The following TTN variants were observed in gnomAD, a reference collection of about 807,000 sequenced individuals.
TTN encodes connectin.
A neutral mutation model predicts 3,223.0 loss-of-function variants in TTN; 1,525 were observed. That is an observed-to-expected ratio of 0.47 (90% CI 0.45 to 0.49). The LOEUF is 0.49. Among genes scored for constraint, TTN ranks in the 20% least tolerant of loss-of-function variants. The pLI, the probability that TTN is intolerant of heterozygous loss-of-function variation, is 0.00. For synonymous variants in TTN, 14,094 were observed against 15,161.0 expected, an observed-to-expected ratio of 0.93 and a Z score of 5.17; for missense variants, 40,786 against 43,424.0, an observed-to-expected ratio of 0.94 and a Z score of 5.40.
chr2:178,669,432 T>G lies in TTN; in HGVS notation c.35486A>C (p.Lys11829Thr). The stretch of plus-strand genomic sequence containing the variant: ...TGATTTTTCTTCTTGAACACTTTTC[T>G]TAGGCATCCCAGGAACTTTAAAGAT... Reference protein sequence around the residue: ...VPPAKVPGMPKKSVQEEKSPI... With the variant: ...VPPAKVPGMPTKSVQEEKSPI... The change falls in exon 159 of 363, where the codon AAG becomes ACG. Residue 11829 changes from lysine (K) to threonine (T), a missense_variant. Transcript: ENST00000589042. The G allele has an allele frequency of 6.5e-7, 1 of 1,531,618 alleles. No homozygotes were observed. Among genetic ancestry groups the G allele is most frequent in the Non-Finnish European group, 8.7e-7 (1 of 1,151,328 alleles). The allele number at this position is 1,531,618 out of a possible 1,614,324, so 94.9% of individuals were successfully genotyped here.
rs777177954 is a variant in TTN, at chr2:178,731,411, G to A, written c.17355C>T (p.Ala5785=). 1.9e-6 allele frequency: 3 copies of A among 1,613,712 alleles called. No individual in the cohort carries two copies. Reference sequence around the variant, plus strand: ...CTTCAATGCCACTGAGGTACAAACTGGCCACATTGTTCTCAAAGGTCATTC... The same window carrying A: ...CTTCAATGCCACTGAGGTACAAACTAGCCACATTGTTCTCAAAGGTCATTC... ...NIRMTFENNV[A]SLYLSGIEVK... Residue 5785 remains alanine, a synonymous_variant, in exon 59 of 363, where the codon GCC becomes GCT. Transcript: ENST00000589042.
Position 178,776,136 on chromosome 2 carries a change from C to G in TTN, c.5728G>C (p.Val1910Leu), listed in dbSNP as rs765618372. The change falls in exon 28 of 363, where the codon GTG becomes CTG. Residue 1910 changes from valine (V) to leucine (L), a missense_variant. Transcript: ENST00000589042. Reference protein sequence around the residue: ...VDCKSYDTGEVKVTAENPEGV... With the variant: ...VDCKSYDTGELKVTAENPEGV... ...TCAGGATTTTCCGCGGTGACCTTCACTTCACCTGTGTCATATGATTTGCAG... is the reference window on the plus strand; with the variant it reads ...TCAGGATTTTCCGCGGTGACCTTCAGTTCACCTGTGTCATATGATTTGCAG... 6.2e-7 allele frequency: 1 copy of G among 1,614,162 alleles called. No individual in the cohort carries two copies. The highest frequency in any genetic ancestry group is 8.5e-7 in the Non-Finnish European group (1 of 1,179,998).
At chr2:178,800,141 A>G (rs1432063919) in intron 4 of TTN, among the ~76,000 whole-genome samples, 1 of 152,256 alleles carries the variant, frequency 6.6e-6, no homozygotes, top group Non-Finnish European at 1.5e-5. Context: ...TTATTTGCCA[A>G]TAATTTGGAA....
chr2:178,570,869 C>T lies in TTN; in HGVS notation c.75263G>A (p.Gly25088Glu), dbSNP rs1158992381. The T allele has an allele frequency of 6.2e-7, 1 of 1,613,530 alleles. No individual in the cohort carries two copies. Among genetic ancestry groups the T allele is most frequent in the African/African-American group, 1.3e-5 (1 of 74,996 alleles). ...EFRVIARNAA[G>E]VFSEPSESTG... The stretch of plus-strand genomic sequence containing the variant: ...GCTTTCTGAAGGCTCACTAAACACT[C>T]CTGCGGCATTTCGGGCTATAACCCG... The change falls in exon 326 of 363, where the codon GGA (glycine) becomes GAA (glutamate). Residue 25088 changes from glycine to glutamate, a missense_variant. Transcript: ENST00000589042.
rs1379431768 is a variant in TTN at position 178,789,384 on chromosome 2, T to C, written c.2052A>G (p.Glu684=). Residue 684 remains glutamate, a synonymous_variant, in exon 13 of 363, where the codon GAA becomes GAG. Transcript: ENST00000589042. Reference sequence around the variant, plus strand: ...CCTTTCCATGGGTAACTTGGATTTGTTCTTGTCTAGTAGCCATAGTTTCTC... The same window carrying C: ...CCTTTCCATGGGTAACTTGGATTTGCTCTTGTCTAGTAGCCATAGTTTCTC... ...RTRETMATRQ[E]QIQVTHGKVD... is the part of the protein sequence containing the mutation. The C allele has an allele frequency of 6.2e-7, 1 of 1,613,492 alleles. No individual in the cohort carries two copies. Among genetic ancestry groups the C allele is most frequent in the East Asian group, 2.2e-5 (1 of 44,832 alleles).
Position 178,569,008 on chromosome 2 carries a change from A to G in TTN, c.77124T>C (p.Asp25708=). 6.2e-7 allele frequency: 1 copy of G among 1,613,338 alleles called. No homozygotes were observed. The highest frequency in any genetic ancestry group is 8.5e-7 in the Non-Finnish European group (1 of 1,179,534). The stretch of plus-strand genomic sequence containing the variant: ...GAGAGACACTGTTTCTGGTGACATC[A>G]TCCACAGTTATTTTTCCAGGAGGTT... ...VPQPPGKITV[D]DVTRNSVSLS... Residue 25708 remains aspartate (D), a synonymous_variant, in exon 326 of 363, where the codon GAT becomes GAC. Coordinates refer to ENST00000589042, the MANE Select transcript of TTN (RefSeq NM_001267550.2).
At chr2:178,784,787 T>A (rs535618095) in intron 15 of TTN, among the ~76,000 whole-genome samples, 44 of 152,338 alleles carry the variant, frequency 2.9e-4, no homozygotes, top group African/African-American at 1.0e-3. Flanking sequence ...TAGCCACAAA[T>A]CTATGTGAAA....
rs1366813483 is a variant in TTN, at chr2:178,567,787, A to G, written c.78345T>C (p.Asp26115=). The part of the protein sequence containing the change: ...ITLQWTKPVY[D]GGSMITGYIV... ...TGTAGCCTGTAATCATACTTCCACC[A>G]TCATACACAGGTTTGGTCCACTGTA... The change falls in exon 326 of 363, where the codon GAT becomes GAC. Residue 26115 remains aspartate, a synonymous_variant. Coordinates refer to ENST00000589042, the MANE Select transcript of TTN (RefSeq NM_001267550.2). 6.8e-6 allele frequency: 11 copies of G among 1,613,336 alleles called. No homozygotes were observed. Among genetic ancestry groups the G allele is most frequent in the African/African-American group, 1.3e-5 (1 of 74,882 alleles).
chr2:178,630,655 C>T, intron 238 of TTN, 149 bp downstream of exon 238: 1 of 1,233,972 alleles, frequency 8.1e-7, no homozygotes, highest in Non-Finnish European at 1.1e-6. Flanking sequence ...TGAGCCCATT[C>T]ATAGACCCTG....
Position 178,729,308 on chromosome 2 carries a change from C to A in TTN, c.18848G>T (p.Ser6283Ile). Residue 6283 changes from serine (S) to isoleucine (I), a missense_variant, in exon 64 of 363, where the codon AGT (serine) becomes ATT (isoleucine). Ser to Ile is a moderately radical substitution (Grantham distance 142). Transcript: ENST00000589042. ...VSNEGGSCSC[S>I]TRVALKEPPS... is the part of the protein sequence containing the mutation. Reference sequence around the variant, plus strand: ...CTGACCTTTCAGGGCAACTCTAGTACTGCATGAGCAGCTGCCGCCTTCATT... The same window carrying A: ...CTGACCTTTCAGGGCAACTCTAGTAATGCATGAGCAGCTGCCGCCTTCATT... 6.2e-7 allele frequency: 1 copy of A among 1,610,958 alleles called. No individual in the cohort carries two copies. Among genetic ancestry groups the A allele is most frequent in the Non-Finnish European group, 8.5e-7 (1 of 1,177,900 alleles).
intron 46 of TTN, chr2:178,754,044 T>C (rs531040010): frequency 6.6e-6 from 1 of 152,262 alleles, no homozygotes; most frequent in African/African-American, 2.4e-5. Flanking sequence ...AGGCATAAAT[T>C]AGCTGTGTTT....
chr2:178,778,706 A>C, intron 24 of TTN, 168 bp downstream of exon 24: 1 of 915,560 alleles, frequency 1.1e-6, no homozygotes. Context: ...TGCTCATCTT[A>C]CACAGGGGCA....
intron 127 of TTN, among the ~76,000 whole-genome samples, chr2:178,686,969 T>A (rs1010413600): frequency 6.6e-6 from 1 of 152,248 alleles, no homozygotes; most frequent in African/African-American, 2.4e-5. Flanking sequence ...TCCTGACTTA[T>A]GTCCACCATC....
chr2:178,696,358 G>A, intron 113 of TTN, 89 bp from the exon 114 acceptor site: 1 of 1,031,166 alleles, frequency 9.7e-7, no homozygotes, highest in Non-Finnish European at 1.3e-6. Flanking sequence ...AACAACATCA[G>A]TATTTCAGAT....
chr2:178,617,173 C>G lies in TTN; in HGVS notation c.47822G>C (p.Gly15941Ala). 1 of 1,601,710 alleles carries G rather than the reference C, an allele frequency of 6.2e-7. No homozygotes were observed. Among genetic ancestry groups the G allele is most frequent in the South Asian group, 1.1e-5 (1 of 89,312 alleles). ...AAGAATTTCAGATGGATCTGAAACA[C>G]CAGCTTTATTTTCTGCAGATACTCT... ...LYRVSAENKA[G>A]VSDPSEILGP... The change falls in exon 255 of 363, where the codon GGT (glycine) becomes GCT (alanine). Residue 15941 changes from glycine (G) to alanine (A), a missense_variant. Transcript: ENST00000589042.
rs1419763553 is a variant in TTN at position 178,672,245 on chromosome 2, T to C, written c.34953A>G (p.Lys11651=). 1 of 1,573,026 alleles carries C rather than the reference T, an allele frequency of 6.4e-7. No homozygotes were observed. Among genetic ancestry groups the C allele is most frequent in the Non-Finnish European group, 8.6e-7 (1 of 1,158,332 alleles). ...PAKGRTVLEE[K]VSVAFRQEVV... is the part of the protein sequence containing the mutation. ...CTTCTTGGCGGAAGGCAACTGATACTTTTTCTTCAAGGACAGTTCTCCCTG... is the reference window on the plus strand; with the variant it reads ...CTTCTTGGCGGAAGGCAACTGATACCTTTTCTTCAAGGACAGTTCTCCCTG... Residue 11651 remains lysine, a synonymous_variant, in exon 155 of 363, where the codon AAA becomes AAG. Transcript: ENST00000589042.
chr2:178,546,079 T>C lies in TTN; in HGVS notation c.95157A>G (p.Arg31719=). Reference sequence around the variant, plus strand: ...CTAAAGTGCACTTCTCCTGTGTTACTCTGCTGACGGTGAGCTTTCCACATG... The same window carrying C: ...CTAAAGTGCACTTCTCCTGTGTTACCCTGCTGACGGTGAGCTTTCCACATG... ...PGPCGKLTVS[R]VTQEKCTLAW... is the part of the protein sequence containing the mutation. Residue 31719 remains arginine (R), a synonymous_variant, in exon 343 of 363, where the codon AGA becomes AGG. Transcript: ENST00000589042. 6.2e-7 allele frequency: 1 copy of C among 1,612,582 alleles called. No individual in the cohort carries two copies.
Position 178,599,223 on chromosome 2 carries a change from A to C in TTN, c.56570T>G (p.Phe18857Cys). ...ATATTTATTCTGGGCCATGATTCGG[A>C]ATACATATTCATGGCCTTCTAGCAA... is the stretch of plus-strand genomic sequence containing the variant. ...PKLLEGHEYV[F>C]RIMAQNKYGI... Residue 18857 changes from phenylalanine to cysteine, a missense_variant, in exon 290 of 363, where the codon TTC becomes TGC. Coordinates refer to ENST00000589042, the MANE Select transcript of TTN (RefSeq NM_001267550.2). 1.3e-6 allele frequency: 2 copies of C among 1,535,714 alleles called. No individual in the cohort carries two copies. The highest frequency in any genetic ancestry group is 4.6e-5 in the East Asian group (2 of 43,840).
In TTN at chr2:178,606,449, T is replaced by C. The variant is rs78394949; in HGVS notation, c.53581+572A>G. Among the ~76,000 whole-genome samples the C allele has an allele frequency of 7.2e-3, 1,090 of 152,026 alleles. 14 individuals are homozygous for C. Among genetic ancestry groups the C allele is most frequent in the African/African-American group, 0.025 (1,049 of 41,502 alleles). On this transcript the variant is annotated intron_variant, in intron 278 of 362. Coordinates refer to ENST00000589042, the MANE Select transcript of TTN (RefSeq NM_001267550.2). ...GAGGAATGGGTCTTCCTCAAAGCCT[T>C]TGCTTTCTTAGATGGGATGTCAGTG... is the stretch of plus-strand genomic sequence containing the variant.
Sources: gnomAD v4.1 joint callset for allele counts (sites outside exome capture counted in the v4.1 genomes callset) on GRCh38, gnomAD v4.1.1 for gene constraint, MANE v1.5 for transcripts, NCBI Gene and HGNC (gene_info 2026-07-23, HGNC 2026-07-21) for gene names.